NEBL: variants seen among roughly 807,000 people sequenced by gnomAD.
NEBL encodes the protein nebulette.
A neutral mutation model predicts 140.2 loss-of-function variants in NEBL; 122 were observed. The ratio of observed to expected loss-of-function variants is 0.87; its 90% CI spans 0.75 to 1.01. The LOEUF is 1.01. Ranked by LOEUF, NEBL falls within the 50% of genes least tolerant of loss-of-function variation. The pLI is 0.00. For synonymous variants in NEBL, 436 were observed against 398.9 expected, an observed-to-expected ratio of 1.09 and a Z score of -1.11; for missense variants, 1,365 against 1,231.3, an observed-to-expected ratio of 1.11 and a Z score of -1.62.
chr10:21,152,097 C>T (rs931204654), intron 2 of NEBL, among the ~76,000 whole-genome samples: 3 of 152,256 alleles, frequency 2.0e-5, no homozygotes, highest in Non-Finnish European at 2.9e-5. Context: ...GGAGTGAGTG[C>T]ATTTCCGCTA....
At chr10:20,808,389 T>C (rs528319719) in intron 26 of NEBL, 121 bp downstream of exon 26, 24 of 1,065,034 alleles carry the variant, frequency 2.3e-5, no homozygotes, top group Middle Eastern at 5.8e-4. Context: ...AACTTAATTT[T>C]AAATTCTCAA....
intron 16 of NEBL, 166 bp downstream of exon 16, chr10:20,831,030 A>G (rs997951247): frequency 3.1e-6 from 2 of 654,394 alleles, no homozygotes; most frequent in Admixed American, 2.2e-5. Flanking sequence ...CTGTTGTCCT[A>G]TTAATTAGTA....
chr10:20,789,440 C>T (rs1254571359), intron 26 of NEBL, among the ~76,000 whole-genome samples: 1 of 152,218 alleles, frequency 6.6e-6, no homozygotes, highest in African/African-American at 2.4e-5. Flanking sequence ...CTATCTCACA[C>T]TCTGTAATAC....
chr10:21,207,885 A>T (rs10764309), intron 3 of NEBL, among the ~76,000 whole-genome samples: 1 of 152,032 alleles, frequency 6.6e-6, no homozygotes, highest in African/African-American at 2.4e-5. Flanking sequence ...CTTGGAACGT[A>T]GGCCCGAAGC....
At chr10:21,218,871 C>T (rs1030968831) in intron 3 of NEBL, among the ~76,000 whole-genome samples, 3 of 152,300 alleles carry the variant, frequency 2.0e-5, no homozygotes, top group East Asian at 1.9e-4. Context: ...GGGTTATTTT[C>T]GTAAAATCTG....
chr10:20,781,654 A>G lies in NEBL; in HGVS notation c.*4093T>C, dbSNP rs1485594490. 2.6e-5 allele frequency: 4 copies of G among 152,512 alleles called. No individual in the cohort carries two copies. The highest frequency in any genetic ancestry group is 7.2e-5 in the African/African-American group (3 of 41,448). The allele number at this position is 152,512 out of a possible 1,614,324, so 9.4% of individuals were successfully genotyped here. On this transcript the variant is annotated 3_prime_UTR_variant, in exon 28 of 28. Transcript: ENST00000377122. ...ACAGACAACTGAGAAAATTTGCTCA[A>G]AGATTCTTCCAAGTTTATGGGTTCA... is the stretch of plus-strand genomic sequence containing the variant.
chr10:21,173,955 G>C lies in NEBL; in HGVS notation c.-122C>G. 2.2e-6 allele frequency: 3 copies of C among 1,374,792 alleles called. No homozygotes were observed. Among genetic ancestry groups the C allele is most frequent in the Non-Finnish European group, 1.9e-6 (2 of 1,075,330 alleles). The allele number at this position is 1,374,792 out of a possible 1,614,324, so 85.2% of individuals were successfully genotyped here. Reference sequence around the variant, plus strand: ...GGGAGGGCTGCGGGCGGCGGGCGCCGGGTAGGGAGTCGGCGCCGGGCCACG... The same window carrying C: ...GGGAGGGCTGCGGGCGGCGGGCGCCCGGTAGGGAGTCGGCGCCGGGCCACG... On this transcript the variant is annotated 5_prime_UTR_variant, in exon 1 of 7. Transcript: ENST00000417816. The surrounding 1 kb of genome is among the most constrained non-coding windows in gnomAD (Gnocchi z 5.7).
chr10:20,886,555 T>C (rs1038479127), intron 4 of NEBL, among the ~76,000 whole-genome samples: 1 of 151,938 alleles, frequency 6.6e-6, no homozygotes, highest in African/African-American at 2.4e-5. Context: ...GGGAAAGAAG[T>C]AAACTGCTTG....
At chr10:20,960,321 G>C (rs1343822323) in intron 4 of NEBL, among the ~76,000 whole-genome samples, 1 of 152,018 alleles carries the variant, frequency 6.6e-6, no homozygotes, top group Non-Finnish European at 1.5e-5. Context: ...AGCAAAAATA[G>C]GTTTTTGGTT....
chr10:21,186,798 C>A (rs958287121), intron 3 of NEBL, among the ~76,000 whole-genome samples: 3 of 151,380 alleles, frequency 2.0e-5, no homozygotes, highest in Admixed American at 2.0e-4. Context: ...CATCTCTAGG[C>A]AATATATAGG....
At chr10:20,966,898 G>A (rs1447210566) in intron 3 of NEBL, among the ~76,000 whole-genome samples, 1 of 152,188 alleles carries the variant, frequency 6.6e-6, no homozygotes, top group Non-Finnish European at 1.5e-5. Flanking sequence ...GAAGCCAACT[G>A]GGACCAGAGA....
chr10:21,149,154 A>G (rs1840036237), intron 2 of NEBL, among the ~76,000 whole-genome samples: 1 of 152,190 alleles, frequency 6.6e-6, no homozygotes, highest in South Asian at 2.1e-4. Context: ...AAGCGTCCCA[A>G]AAAGGCCCAA....
At chr10:21,038,582 G>A (rs1834115354) in intron 2 of NEBL, among the ~76,000 whole-genome samples, 1 of 152,222 alleles carries the variant, frequency 6.6e-6, no homozygotes, top group Non-Finnish European at 1.5e-5. Context: ...TGGTGCATAT[G>A]TGCCACATTT....
At chr10:21,106,538 G>A (rs903943433) in intron 2 of NEBL, among the ~76,000 whole-genome samples, 1 of 152,076 alleles carries the variant, frequency 6.6e-6, no homozygotes, top group Non-Finnish European at 1.5e-5. Flanking sequence ...CTGTTCCATT[G>A]GTCTATATAT....
chr10:21,082,760 C>CTTTTTT (rs1564504896), intron 2 of NEBL, among the ~76,000 whole-genome samples: 232 of 52,836 alleles, frequency 4.4e-3, no homozygotes, highest in African/African-American at 0.012. Flanking sequence ...AGGAGGGATG[C>CTTTTTT]ATTTTTTTTT....
At chr10:21,137,782 A>C (rs1411923633) in intron 2 of NEBL, among the ~76,000 whole-genome samples, 1 of 152,040 alleles carries the variant, frequency 6.6e-6, no homozygotes, top group East Asian at 1.9e-4. Context: ...CTACAAAAAA[A>C]ATAAAACTAA....
intron 19 of NEBL, 71 bp downstream of exon 19, chr10:20,823,137 C>A: frequency 8.7e-7 from 1 of 1,152,980 alleles, no homozygotes. Context: ...TTGACCTGTA[C>A]AGGTTTTATG....
chr10:20,823,164 A>T (rs1470492209), intron 19 of NEBL, 44 bp downstream of exon 19: 1 of 1,379,390 alleles, frequency 7.2e-7, no homozygotes, highest in Admixed American at 1.7e-5. Context: ...TTACGTGTTG[A>T]TATACAATAA....
chr10:21,019,294 T>C (rs1182347070), intron 3 of NEBL, among the ~76,000 whole-genome samples: 1 of 152,242 alleles, frequency 6.6e-6, no homozygotes, highest in African/African-American at 2.4e-5. Flanking sequence ...TGCACGTTAG[T>C]GCAAACATCA....
Sources: allele counts gnomAD v4.1 joint callset (sites outside exome capture counted in the v4.1 genomes callset), GRCh38; gene constraint gnomAD v4.1.1; non-coding constraint Gnocchi (gnomAD v3.1); transcripts MANE v1.5; gene names NCBI Gene and HGNC (gene_info 2026-07-23, HGNC 2026-07-21).